Variants in MINAR2 observed in about 807,000 individuals in gnomAD.
MINAR2 encodes major intrinsically disordered NOTCH2-binding receptor 1-like.
A neutral mutation model predicts 16.1 loss-of-function variants in MINAR2; 21 were observed. The observed-to-expected ratio is 1.31, with a 90% confidence interval of 0.93 to 1.88. MINAR2 has a LOEUF of 1.88. Among genes scored for constraint, MINAR2 ranks in the 40% most tolerant of loss-of-function variants. The pLI is 0.00. For synonymous variants in MINAR2, 86 were observed against 83.0 expected (o/e 1.04, Z -0.20); for missense variants, 259 against 229.8 (o/e 1.13, Z -0.82).
chr5:129,760,552 A>G lies in MINAR2; in HGVS notation c.340A>G (p.Ile114Val). The G allele has an allele frequency of 1.3e-6, 2 of 1,535,610 alleles. No individual in the cohort carries two copies. Among genetic ancestry groups the G allele is most frequent in the Non-Finnish European group, 1.7e-6 (2 of 1,146,506 alleles). Reference protein sequence around the residue: ...EERKKNPSWTIEEYDKHSLHT... With the variant: ...EERKKNPSWTVEEYDKHSLHT... ...AAGAAAAAAGAACCCCTCATGGACC[A>G]TTGAGGAATATGACAAACATTCCCT... Residue 114 changes from isoleucine to valine, a missense_variant, in exon 2 of 3, where the codon ATT (isoleucine) becomes GTT (valine). By Grantham distance (29) the Ile-to-Val change is conservative. Coordinates refer to ENST00000564719, the MANE Select transcript of MINAR2 (RefSeq NM_001257308.2).
chr5:129,760,656 A>AAT, intron 2 of MINAR2, 51 bp downstream of exon 2: 1 of 1,342,278 alleles, frequency 7.5e-7, no homozygotes, highest in South Asian at 1.3e-5. Context: ...AGATCAGTCA[A>AAT]ATAATCCTAA....
chr5:129,764,016 G>A (rs1282528528), intron 2 of MINAR2, among the ~76,000 whole-genome samples: 1 of 152,192 alleles, frequency 6.6e-6, no homozygotes, highest in African/African-American at 2.4e-5. Context: ...AGTATTCATT[G>A]TAAATTTGTT....
intron 2 of MINAR2, among the ~76,000 whole-genome samples, chr5:129,763,806 A>G (rs549211965): frequency 6.6e-6 from 1 of 152,190 alleles, no homozygotes; most frequent in Non-Finnish European, 1.5e-5. Flanking sequence ...TTCCTCTCCT[A>G]GCAGTGCACC....
intron 1 of MINAR2, among the ~76,000 whole-genome samples, chr5:129,748,938 G>A (rs1276591640): frequency 2.0e-5 from 3 of 152,168 alleles, no homozygotes; most frequent in African/African-American, 4.8e-5. Flanking sequence ...TTTTCCACAG[G>A]TGTCCATGTG....
chr5:129,762,280 C>T (rs1225382926), intron 2 of MINAR2, among the ~76,000 whole-genome samples: 1 of 152,038 alleles, frequency 6.6e-6, no homozygotes, highest in Non-Finnish European at 1.5e-5. Context: ...AAAAAAGAAA[C>T]CAAAATGCCT....
intron 1 of MINAR2, among the ~76,000 whole-genome samples, chr5:129,753,968 T>C (rs1000698574): frequency 6.6e-6 from 1 of 152,224 alleles, no homozygotes; most frequent in East Asian, 1.9e-4. Context: ...GATAGCATCA[T>C]CAAGTTCTTC....
chr5:129,764,902 C>G lies in MINAR2; in HGVS notation c.412C>G (p.Arg138Gly). Residue 138 changes from arginine (R) to glycine (G), a missense_variant, in exon 3 of 3, where the codon CGG (arginine) becomes GGG (glycine). Physicochemically the swap from Arg to Gly is moderately radical, Grantham distance 125. Transcript: ENST00000564719. ...GHLKENPNDL[R>G]FWLGDMYTPG... Reference sequence around the variant, plus strand: ...CTTTTAGGAAAATCCTAATGACCTGCGGTTTTGGTTGGGAGACATGTACAC... The same window carrying G: ...CTTTTAGGAAAATCCTAATGACCTGGGGTTTTGGTTGGGAGACATGTACAC... 1.5e-6 allele frequency: 2 copies of G among 1,323,974 alleles called. No individual in the cohort carries two copies. Among genetic ancestry groups the G allele is most frequent in the Non-Finnish European group, 1.9e-6 (2 of 1,035,718 alleles). 82.0% of individuals were successfully genotyped at this position (1,323,974 alleles called of 1,614,324 possible).
chr5:129,753,480 C>CAAAA lies in MINAR2; in HGVS notation c.165+5140_165+5143dup, dbSNP rs758914420. Among the ~76,000 whole-genome samples, 171 of 100,780 alleles carry CAAAA rather than the reference C, an allele frequency of 1.7e-3. 3 individuals carry two copies. The highest frequency in any genetic ancestry group is 6.6e-3 in the African/African-American group (159 of 24,068). The allele number at this position is 100,780 out of a possible 152,430, so 66.1% of individuals were successfully genotyped here. ...CCCAGGCAACAGAGCAAGACTGTCT[C>CAAAA]AAAAAAAAAAAAAAAAAAGTCCCAG... is the stretch of plus-strand genomic sequence containing the variant. On this transcript the variant is annotated intron_variant, in intron 1 of 2. Coordinates refer to ENST00000564719, the MANE Select transcript of MINAR2 (RefSeq NM_001257308.2).
chr5:129,748,391 G>C (rs4836471), intron 1 of MINAR2, 36 bp downstream of exon 1: 19 of 1,522,410 alleles, frequency 1.2e-5, no homozygotes, highest in Non-Finnish European at 1.5e-5. Flanking sequence ...GGGGATGGAG[G>C]CTTGTTTCTT....
At chr5:129,749,094 G>A (rs1217602950) in intron 1 of MINAR2, among the ~76,000 whole-genome samples, 8 of 152,120 alleles carry the variant, frequency 5.3e-5, no homozygotes, top group African/African-American at 1.7e-4. Context: ...GGCCCTAACT[G>A]TTGCACAGCT....
At chr5:129,757,984 C>T (rs952940856) in intron 1 of MINAR2, among the ~76,000 whole-genome samples, 1 of 151,798 alleles carries the variant, frequency 6.6e-6, no homozygotes, top group Non-Finnish European at 1.5e-5. Flanking sequence ...GAATTTTGTA[C>T]ACTTAATTTT....
chr5:129,756,848 T>C (rs1398069862), intron 1 of MINAR2, among the ~76,000 whole-genome samples: 1 of 150,922 alleles, frequency 6.6e-6, no homozygotes, highest in Non-Finnish European at 1.5e-5. Context: ...CGTGTCTATT[T>C]TGTCTCCAAG....
chr5:129,764,752 T>G, intron 2 of MINAR2, 132 bp from the exon 3 acceptor site: 2 of 447,530 alleles, frequency 4.5e-6, no homozygotes, highest in Non-Finnish European at 7.4e-6. Context: ...GCCATGACAT[T>G]GAAGCCTTGC....
Position 129,764,916 on chromosome 5 carries a change from A to C in MINAR2, c.426A>C (p.Gly142=). The change falls in exon 3 of 3, where the codon GGA becomes GGC. Residue 142 remains glycine, a synonymous_variant. Coordinates refer to ENST00000564719, the MANE Select transcript of MINAR2 (RefSeq NM_001257308.2). The part of the protein sequence containing the change: ...ENPNDLRFWL[G]DMYTPGFDTL... The stretch of plus-strand genomic sequence containing the variant: ...CTAATGACCTGCGGTTTTGGTTGGG[A>C]GACATGTACACTCCAGGTTTTGACA... 2 of 1,332,944 alleles carry C rather than the reference A, an allele frequency of 1.5e-6. No homozygotes were observed. Among genetic ancestry groups the C allele is most frequent in the Non-Finnish European group, 1.9e-6 (2 of 1,041,412 alleles). The allele number at this position is 1,332,944 out of a possible 1,614,324, so 82.6% of individuals were successfully genotyped here. A position where few individuals can be genotyped will look rare whatever the true frequency, so the allele number is the denominator to read the frequency against.
chr5:129,748,212 A>G lies in MINAR2; in HGVS notation c.22A>G (p.Asn8Asp). The G allele has an allele frequency of 1.3e-6, 2 of 1,535,100 alleles. No homozygotes were observed. Among genetic ancestry groups the G allele is most frequent in the African/African-American group, 1.4e-5 (1 of 73,126 alleles). Residue 8 changes from asparagine (N) to aspartate (D), a missense_variant, in exon 1 of 3, where the codon AAT becomes GAT. Transcript: ENST00000564719. ...AGACATGGATCTCTCTGTTTTGCCA[A>G]ATAACAACCATCCTGACAAATTCCT... MDLSVLP[N>D]NNHPDKFLQL...
chr5:129,750,279 A>C (rs1412677567), intron 1 of MINAR2, among the ~76,000 whole-genome samples: 1 of 152,220 alleles, frequency 6.6e-6, no homozygotes, highest in East Asian at 1.9e-4. Flanking sequence ...TAGAAGTTTT[A>C]AATATTTGCC....
At chr5:129,764,707 A>G (rs1561686579) in intron 2 of MINAR2, among the ~76,000 whole-genome samples, 177 bp from the exon 3 acceptor site, 1 of 151,976 alleles carries the variant, frequency 6.6e-6, no homozygotes, top group South Asian at 2.1e-4. Context: ...CTGCAATTTT[A>G]TGCTATTCAA....
At chr5:129,749,366 T>G (rs1757958219) in intron 1 of MINAR2, among the ~76,000 whole-genome samples, 1 of 152,134 alleles carries the variant, frequency 6.6e-6, no homozygotes, top group Non-Finnish European at 1.5e-5. Flanking sequence ...ACCTTTATCA[T>G]GAGATCATTC....
chr5:129,760,325 C>A, intron 1 of MINAR2, 53 bp from the exon 2 acceptor site: 1 of 1,327,396 alleles, frequency 7.5e-7, no homozygotes, highest in Non-Finnish European at 1.0e-6. Flanking sequence ...CATTGCATTC[C>A]CTACTATCAG....
Sources: gnomAD v4.1 joint callset for allele counts (sites outside exome capture counted in the v4.1 genomes callset) on GRCh38, gnomAD v4.1.1 for gene constraint, MANE v1.5 for transcripts, NCBI Gene and HGNC (gene_info 2026-07-23, HGNC 2026-07-21) for gene names.